TESK2: variants seen among roughly 807,000 people sequenced by gnomAD.
TESK2 encodes the protein testis associated actin remodelling kinase 2, also known as dual specificity testis-specific protein kinase 2.
A neutral mutation model predicts 57.1 loss-of-function variants in TESK2; 39 were observed. That is an observed-to-expected ratio of 0.68 (90% CI 0.53 to 0.89). TESK2 has a LOEUF of 0.89. Ranked by LOEUF, TESK2 falls within the 40% of genes least tolerant of loss-of-function variation. The probability of loss-of-function intolerance (pLI) is 0.00; values close to 1 mark genes in which losing one functional copy is unlikely to be tolerated. For synonymous variants in TESK2, 249 were observed against 267.9 expected (o/e 0.93, Z 0.69); for missense variants, 646 against 732.1 (o/e 0.88, Z 1.36).
chr1:45,355,180 G>A, intron 5 of TESK2, 123 bp downstream of exon 5: 1 of 1,202,168 alleles, frequency 8.3e-7, no homozygotes, highest in Non-Finnish European at 1.2e-6. Flanking sequence ...GGCTTTCTAA[G>A]GACTAACTAT....
At chr1:45,387,177 G>T (rs1648934391) in intron 3 of TESK2, among the ~76,000 whole-genome samples, 1 of 152,122 alleles carries the variant, frequency 6.6e-6, no homozygotes, top group South Asian at 2.1e-4. Context: ...CTTGAAAACA[G>T]CATGGTATAA....
At chr1:45,484,136 C>A (rs1653356958) in intron 1 of TESK2, among the ~76,000 whole-genome samples, 1 of 126,254 alleles carries the variant, frequency 7.9e-6, no homozygotes, top group Admixed American at 8.9e-5. Context: ...GAGATGGAGT[C>A]TCCCTCTTGT....
chr1:45,485,176 C>T (rs184794189), intron 1 of TESK2, among the ~76,000 whole-genome samples: 142 of 150,590 alleles, frequency 9.4e-4, no homozygotes, highest in African/African-American at 3.2e-3. Flanking sequence ...AGATTTTTCA[C>T]TGTTTTGTTT....
At position 45,367,964 on chromosome 1, in the gene TESK2, C is replaced by A. The variant is rs142413777; in HGVS notation, c.394-12515G>T. ...GTAAGCCACCATGCCTGGCAAAGCACTTTCATAGTTACCTCATTTGACCAT... is the reference window on the plus strand; with the variant it reads ...GTAAGCCACCATGCCTGGCAAAGCAATTTCATAGTTACCTCATTTGACCAT... On this transcript the variant is annotated intron_variant, in intron 4 of 10. Transcript: ENST00000372086. Among the ~76,000 whole-genome samples, 774 of 148,712 alleles carry A rather than the reference C, an allele frequency of 5.2e-3. 3 individuals are homozygous for A. The highest frequency in any genetic ancestry group is 0.015 in the African/African-American group (599 of 40,382).
chr1:45,361,051 C>T (rs531499390), intron 4 of TESK2, among the ~76,000 whole-genome samples: 14 of 152,298 alleles, frequency 9.2e-5, no homozygotes, highest in African/African-American at 3.4e-4. Flanking sequence ...CTCCTGACCT[C>T]AGGTGATCCA....
At chr1:45,359,979 CCATGCAGCACTTCAGATCCT>C (rs1647609122) in intron 4 of TESK2, among the ~76,000 whole-genome samples, 1 of 152,102 alleles carries the variant, frequency 6.6e-6, no homozygotes. Context: ...GGGGGCAGCA[CCATGCAGCACTTCAGATCCT>C]TGGAAGCGTC....
At chr1:45,485,897 TAAAA>T (rs34790216) in intron 1 of TESK2, among the ~76,000 whole-genome samples, 1 of 149,414 alleles carries the variant, frequency 6.7e-6, no homozygotes, top group South Asian at 2.1e-4. Context: ...AAATGTATCT[TAAAA>T]AAAAAAACTA....
At chr1:45,441,828 G>A (rs567115292) in intron 2 of TESK2, among the ~76,000 whole-genome samples, 13 of 151,942 alleles carry the variant, frequency 8.6e-5, no homozygotes, top group South Asian at 4.2e-4. Flanking sequence ...TGTTGGCCAC[G>A]CTGCTCTCGA....
intron 3 of TESK2, among the ~76,000 whole-genome samples, chr1:45,397,475 C>G (rs1649414441): frequency 6.6e-6 from 1 of 152,204 alleles, no homozygotes; most frequent in African/African-American, 2.4e-5. Flanking sequence ...GCTTACAGAT[C>G]CCGATTAAAG....
At chr1:45,439,457 T>C (rs1195302323) in intron 2 of TESK2, among the ~76,000 whole-genome samples, 1 of 152,212 alleles carries the variant, frequency 6.6e-6, no homozygotes, top group Non-Finnish European at 1.5e-5. Flanking sequence ...GCTCCATAGA[T>C]ATCAGCTACC....
intron 2 of TESK2, among the ~76,000 whole-genome samples, chr1:45,433,478 C>T (rs936743761): frequency 6.6e-6 from 1 of 152,158 alleles, no homozygotes; most frequent in African/African-American, 2.4e-5. Flanking sequence ...TCATTCTACT[C>T]TTTACCTCTA....
At chr1:45,462,651 T>G (rs1652382047) in intron 1 of TESK2, among the ~76,000 whole-genome samples, 1 of 152,178 alleles carries the variant, frequency 6.6e-6, no homozygotes, top group Non-Finnish European at 1.5e-5. Context: ...TGTTGAACAT[T>G]TAGGTTGCTT....
At chr1:45,440,294 G>C (rs1237904180) in intron 2 of TESK2, among the ~76,000 whole-genome samples, 1 of 152,066 alleles carries the variant, frequency 6.6e-6, no homozygotes, top group Admixed American at 6.6e-5. Context: ...ATAAAAGCCT[G>C]TATAAAACAT....
At chr1:45,459,400 T>C (rs574980268) in intron 1 of TESK2, among the ~76,000 whole-genome samples, 1 of 152,210 alleles carries the variant, frequency 6.6e-6, no homozygotes, top group Non-Finnish European at 1.5e-5. Flanking sequence ...TCTACCTGAA[T>C]CTAGTTAATC....
intron 2 of TESK2, 111 bp downstream of exon 2, chr1:45,457,453 T>G (rs1438391020): frequency 6.4e-6 from 6 of 939,234 alleles, no homozygotes; most frequent in Non-Finnish European, 1.0e-5. Context: ...GTGTTCAAGA[T>G]CCACAGCACC....
intron 4 of TESK2, among the ~76,000 whole-genome samples, chr1:45,382,437 C>T (rs1478876998): frequency 6.6e-6 from 1 of 152,156 alleles, no homozygotes; most frequent in East Asian, 1.9e-4. Context: ...CAGGCTTTTG[C>T]CATGTTGCCC....
chr1:45,443,858 T>G (rs1427553515), intron 2 of TESK2, among the ~76,000 whole-genome samples: 1 of 152,238 alleles, frequency 6.6e-6, no homozygotes, highest in African/African-American at 2.4e-5. Flanking sequence ...GGCAATTTTT[T>G]CTGTAAAGGG....
intron 4 of TESK2, chr1:45,385,393 A>G (rs1648847150): frequency 2.1e-6 from 2 of 961,250 alleles, no homozygotes; most frequent in Non-Finnish European, 1.2e-6. Context: ...GAGAATGAAG[A>G]TGTAAACTGA....
intron 4 of TESK2, among the ~76,000 whole-genome samples, chr1:45,372,575 T>TCAA (rs111362526): frequency 1.5e-3 from 221 of 151,090 alleles, no homozygotes; most frequent in Non-Finnish European, 2.7e-3. Flanking sequence ...CGAGACTGTC[T>TCAA]CAACAACAAC....
Sources: gnomAD v4.1 joint callset for allele counts (sites outside exome capture counted in the v4.1 genomes callset) on GRCh38, gnomAD v4.1.1 for gene constraint, MANE v1.5 for transcripts, NCBI Gene and HGNC (gene_info 2026-07-23, HGNC 2026-07-21) for gene names.